Variants in PTPRQ observed in about 807,000 individuals in gnomAD.
PTPRQ encodes the protein phosphatidylinositol phosphatase PTPRQ.
Under a neutral mutation model 246.0 loss-of-function variants are expected in PTPRQ, and 199 were observed. That is an observed-to-expected ratio of 0.81 (90% CI 0.72 to 0.91). The LOEUF is 0.91. PTPRQ is among the 40% of genes least tolerant of loss of function. The pLI is 0.00. For missense variants in PTPRQ, 2,624 were observed against 2,528.4 expected, an observed-to-expected ratio of 1.04 and a Z score of -0.81; for synonymous variants, 869 against 853.2, an observed-to-expected ratio of 1.02 and a Z score of -0.32.
chr12:80,452,285 T>C (rs1892790722), intron 3 of PTPRQ, among the ~76,000 whole-genome samples: 2 of 151,348 alleles, frequency 1.3e-5, no homozygotes, highest in Admixed American at 1.3e-4. Context: ...GTTTCCTGAA[T>C]ACAGCACACT....
chr12:80,545,786 G>T (rs938299679), intron 23 of PTPRQ, among the ~76,000 whole-genome samples: 2 of 136,820 alleles, frequency 1.5e-5, no homozygotes, highest in African/African-American at 5.0e-5. Context: ...ATATAATAAT[G>T]TTATTATTAT....
At chr12:80,465,523 G>C (rs1171392312) in intron 6 of PTPRQ, 2 of 152,258 alleles carry the variant, frequency 1.3e-5, no homozygotes, top group Admixed American at 1.3e-4. Flanking sequence ...GCATCATCCT[G>C]ATACCAAAGC....
rs1897690021 is a variant in PTPRQ at position 80,588,449 on chromosome 12, G to C, written c.4606G>C (p.Gly1536Arg). Residue 1536 changes from glycine to arginine, a missense_variant, in exon 26 of 45, where the codon GGC becomes CGC. Coordinates refer to ENST00000644991, the MANE Select transcript of PTPRQ (RefSeq NM_001145026.2). ...SNWISTKTLP[G>R]PPDGPPENVH... ...CTGGATTTCTACAAAAACTCTGCCT[G>C]GCCGTGAGTATTGTCCTGACATGTA... 6.8e-7 allele frequency: 1 copy of C among 1,477,294 alleles called. No homozygotes were observed. Among genetic ancestry groups the C allele is most frequent in the Non-Finnish European group, 9.0e-7 (1 of 1,112,934 alleles). The allele number at this position is 1,477,294 out of a possible 1,614,324, so 91.5% of individuals were successfully genotyped here. A position where few individuals can be genotyped will look rare whatever the true frequency, so the allele number is the denominator to read the frequency against.
At chr12:80,646,439 C>A (rs1029602360) in intron 35 of PTPRQ, among the ~76,000 whole-genome samples, 1 of 152,128 alleles carries the variant, frequency 6.6e-6, no homozygotes, top group Non-Finnish European at 1.5e-5. Flanking sequence ...TTTAAAATAT[C>A]TTTAGGCGGA....
chr12:80,483,805 G>T (rs1055091185), intron 8 of PTPRQ, among the ~76,000 whole-genome samples: 1 of 151,568 alleles, frequency 6.6e-6, no homozygotes, highest in African/African-American at 2.4e-5. Context: ...TCATTGTTCA[G>T]CTCCCTCTTA....
At chr12:80,540,985 T>C (rs1896133173) in intron 20 of PTPRQ, among the ~76,000 whole-genome samples, 1 of 152,098 alleles carries the variant, frequency 6.6e-6, no homozygotes, top group Non-Finnish European at 1.5e-5. Context: ...TATCTGAGAA[T>C]TGGAACTTGT....
At chr12:80,599,856 T>G (rs1277902172) in intron 26 of PTPRQ, among the ~76,000 whole-genome samples, 3 of 150,636 alleles carry the variant, frequency 2.0e-5, no homozygotes, top group African/African-American at 7.3e-5. Context: ...TTGTTATATA[T>G]TATATATTAA....
chr12:80,553,635 G>A (rs1220077267), intron 25 of PTPRQ, among the ~76,000 whole-genome samples: 2 of 152,072 alleles, frequency 1.3e-5, no homozygotes, highest in East Asian at 1.9e-4. Context: ...TCTGGATGCA[G>A]CTAAACATGT....
intron 3 of PTPRQ, among the ~76,000 whole-genome samples, chr12:80,448,975 G>T (rs996724052): frequency 1.3e-5 from 2 of 151,086 alleles, no homozygotes; most frequent in Non-Finnish European, 3.0e-5. Context: ...GGTTGAACTA[G>T]TTTACAGTCC....
At chr12:80,593,903 C>T (rs1292857058) in intron 26 of PTPRQ, among the ~76,000 whole-genome samples, 3 of 151,428 alleles carry the variant, frequency 2.0e-5, no homozygotes, top group African/African-American at 7.3e-5. Flanking sequence ...ATGTGCGTCT[C>T]CTATAGACCA....
chr12:80,534,009 T>C lies in PTPRQ; in HGVS notation c.2679-6T>C, dbSNP rs1171304857. 3.4e-6 allele frequency: 5 copies of C among 1,466,390 alleles called. No individual in the cohort carries two copies. Among genetic ancestry groups the C allele is most frequent in the Non-Finnish European group, 2.7e-6 (3 of 1,109,688 alleles). The allele number at this position is 1,466,390 out of a possible 1,614,324, so 90.8% of individuals were successfully genotyped here. ...AATTCTACAGATAATATTCTTTTTATCTCAGGAATAGATCATCATTAAAAA... is the reference window on the plus strand; with the variant it reads ...AATTCTACAGATAATATTCTTTTTACCTCAGGAATAGATCATCATTAAAAA... On this transcript the variant is annotated splice_region_variant and splice_polypyrimidine_tract_variant and intron_variant, in intron 17 of 44. Coordinates refer to ENST00000644991, the MANE Select transcript of PTPRQ (RefSeq NM_001145026.2).
At chr12:80,675,772 G>A (rs1424578743) in intron 43 of PTPRQ, among the ~76,000 whole-genome samples, 1 of 152,176 alleles carries the variant, frequency 6.6e-6, no homozygotes, top group Non-Finnish European at 1.5e-5. Flanking sequence ...CACAGCTTGG[G>A]ATGGGGATTT....
chr12:80,591,600 G>A (rs1420620078), intron 26 of PTPRQ, among the ~76,000 whole-genome samples: 1 of 152,096 alleles, frequency 6.6e-6, no homozygotes, highest in Non-Finnish European at 1.5e-5. Flanking sequence ...CAAAAATATA[G>A]AAAAAATTCA....
At chr12:80,500,061 G>T (rs927153618) in intron 14 of PTPRQ, among the ~76,000 whole-genome samples, 2 of 151,864 alleles carry the variant, frequency 1.3e-5, no homozygotes, top group African/African-American at 4.8e-5. Context: ...ATTTTGTGTA[G>T]ACCCCCATAA....
intron 27 of PTPRQ, among the ~76,000 whole-genome samples, chr12:80,608,339 T>C (rs1377666577): frequency 6.6e-6 from 1 of 150,554 alleles, no homozygotes; most frequent in Non-Finnish European, 1.5e-5. Flanking sequence ...CCTGGGTAAG[T>C]GGACAAGTAA....
chr12:80,574,678 C>T (rs1284733647), intron 25 of PTPRQ, among the ~76,000 whole-genome samples: 1 of 152,084 alleles, frequency 6.6e-6, no homozygotes. Flanking sequence ...ATGAATTTTG[C>T]AGAAGTATTC....
chr12:80,476,118 T>A (rs1028585684), intron 8 of PTPRQ, among the ~76,000 whole-genome samples: 5 of 152,054 alleles, frequency 3.3e-5, no homozygotes, highest in Non-Finnish European at 7.4e-5. Context: ...CTCCTCTGAC[T>A]TAAGTTATGC....
At chr12:80,589,809 C>T (rs1897733498) in intron 26 of PTPRQ, among the ~76,000 whole-genome samples, 1 of 152,168 alleles carries the variant, frequency 6.6e-6, no homozygotes, top group South Asian at 2.1e-4. Context: ...CTCCTACCTT[C>T]CTGGTAGCTC....
intron 29 of PTPRQ, among the ~76,000 whole-genome samples, chr12:80,615,637 A>C (rs1344809094): frequency 6.6e-6 from 1 of 151,088 alleles, no homozygotes; most frequent in Non-Finnish European, 1.5e-5. Flanking sequence ...AGGGGTGAAG[A>C]AGGGCATAAA....
Sources: allele counts gnomAD v4.1 joint callset (sites outside exome capture counted in the v4.1 genomes callset), GRCh38; gene constraint gnomAD v4.1.1; transcripts MANE v1.5; gene names NCBI Gene and HGNC (gene_info 2026-07-23, HGNC 2026-07-21).